RGL1: variants seen among roughly 807,000 people sequenced by gnomAD.
The protein encoded by RGL1 is ral guanine nucleotide dissociation stimulator like 1, also known as ral guanine nucleotide dissociation stimulator-like 1.
Under a neutral mutation model 95.2 loss-of-function variants are expected in RGL1, and 24 were observed. The ratio of observed to expected loss-of-function variants is 0.25; its 90% CI spans 0.18 to 0.35. The LOEUF (loss-of-function observed/expected upper bound fraction) is 0.35, where lower values mean the gene tolerates loss of function less well. Among genes scored for constraint, RGL1 ranks in the 10% least tolerant of loss-of-function variants. The probability of loss-of-function intolerance (pLI) is 1.00; values close to 1 mark genes in which losing one functional copy is unlikely to be tolerated. For synonymous variants in RGL1, 329 were observed against 344.9 expected (o/e 0.95, Z 0.51); for missense variants, 715 against 936.3 (o/e 0.76, Z 3.08).
intron 1 of RGL1, among the ~76,000 whole-genome samples, chr1:183,685,845 G>C (rs1008367249): frequency 6.6e-6 from 1 of 152,138 alleles, no homozygotes; most frequent in African/African-American, 2.4e-5. Flanking sequence ...AATCCAACTG[G>C]AAAAAATAAT....
At chr1:183,819,829 G>A (rs1039002374) in intron 2 of RGL1, among the ~76,000 whole-genome samples, 1 of 149,954 alleles carries the variant, frequency 6.7e-6, no homozygotes, top group African/African-American at 2.5e-5. Context: ...CTGTCGCCCA[G>A]TCTGGAGTAC....
intron 3 of RGL1, among the ~76,000 whole-genome samples, chr1:183,855,930 C>T (rs1016215524): frequency 3.3e-5 from 5 of 152,024 alleles, no homozygotes; most frequent in Non-Finnish European, 7.4e-5. Flanking sequence ...TAGTAACCTC[C>T]TACAGGGCCA....
At chr1:183,734,469 T>A (rs1018259944) in intron 1 of RGL1, among the ~76,000 whole-genome samples, 1 of 152,192 alleles carries the variant, frequency 6.6e-6, no homozygotes, top group African/African-American at 2.4e-5. Context: ...TAGTAAATAT[T>A]GAATGCACTG....
At chr1:183,742,772 G>T (rs938461344) in intron 2 of RGL1, among the ~76,000 whole-genome samples, 1 of 151,852 alleles carries the variant, frequency 6.6e-6, no homozygotes, top group African/African-American at 2.4e-5. Flanking sequence ...AGAGAGAGAT[G>T]CTATTATTCT....
intron 2 of RGL1, among the ~76,000 whole-genome samples, chr1:183,778,618 C>G (rs1400473500): frequency 6.6e-6 from 1 of 151,834 alleles, no homozygotes; most frequent in Non-Finnish European, 1.5e-5. Flanking sequence ...TGGGAGGGTT[C>G]TTTAAAGAAG....
chr1:183,657,198 G>A (rs193116952), intron 1 of RGL1, among the ~76,000 whole-genome samples: 3 of 152,256 alleles, frequency 2.0e-5, no homozygotes, highest in Admixed American at 1.3e-4. Flanking sequence ...CCATGAATAT[G>A]AGACATCTTG....
chr1:183,636,979 C>T (rs1649583109), intron 1 of RGL1, among the ~76,000 whole-genome samples: 2 of 152,190 alleles, frequency 1.3e-5, no homozygotes, highest in South Asian at 4.1e-4. Context: ...TTGTGTACCA[C>T]AATCTTTGGT....
At chr1:183,863,314 C>T (rs1665627140) in intron 3 of RGL1, among the ~76,000 whole-genome samples, 2 of 151,984 alleles carry the variant, frequency 1.3e-5, no homozygotes, top group African/African-American at 4.8e-5. Context: ...TCTTCTTCTT[C>T]TTCTTCCTTT....
intron 3 of RGL1, among the ~76,000 whole-genome samples, chr1:183,853,117 C>G (rs753159547): frequency 1.3e-5 from 2 of 152,128 alleles, no homozygotes; most frequent in Non-Finnish European, 2.9e-5. Context: ...GGGCGGTTCA[C>G]TTGAGGCCAG....
intron 1 of RGL1, among the ~76,000 whole-genome samples, chr1:183,674,151 G>C (rs552449804): frequency 6.6e-6 from 1 of 152,138 alleles, no homozygotes; most frequent in Non-Finnish European, 1.5e-5. Context: ...TAACACCATG[G>C]GAGTGAGTCC....
chr1:183,755,227 A>T (rs966670938), intron 2 of RGL1, among the ~76,000 whole-genome samples: 2 of 151,958 alleles, frequency 1.3e-5, no homozygotes, highest in Non-Finnish European at 2.9e-5. Context: ...TATTTAGTTA[A>T]TTTTTTGGCC....
At chr1:183,742,227 A>C (rs773443536) in exon 2 of RGL1, 4 of 1,614,182 alleles carry the variant, frequency 2.5e-6, no homozygotes, top group Non-Finnish European at 3.4e-6. Flanking sequence ...CAAGGTAGAA[A>C]GCACGGGACA....
At chr1:183,741,990 A>G (rs1007102692) in intron 1 of RGL1, 1 of 602,230 alleles carries the variant, frequency 1.7e-6, no homozygotes, top group Non-Finnish European at 2.8e-6. Context: ...AAAAGTGGCC[A>G]TAAAAGTTGA....
At chr1:183,718,730 C>G (rs777480940) in intron 1 of RGL1, among the ~76,000 whole-genome samples, 3 of 151,820 alleles carry the variant, frequency 2.0e-5, no homozygotes, top group Non-Finnish European at 2.9e-5. Context: ...GCCTGACCAA[C>G]ATGGTGAAAC....
intron 1 of RGL1, among the ~76,000 whole-genome samples, chr1:183,696,155 TC>T (rs1329790867): frequency 6.6e-6 from 1 of 152,190 alleles, no homozygotes; most frequent in East Asian, 1.9e-4. Flanking sequence ...CCATAAATTC[TC>T]AGTTCTCACT....
chr1:183,862,625 C>T (rs182278790), intron 3 of RGL1, among the ~76,000 whole-genome samples: 5 of 152,274 alleles, frequency 3.3e-5, no homozygotes, highest in African/African-American at 9.6e-5. Flanking sequence ...TGCTCCTAAG[C>T]CCTTAGAAGT....
In RGL1 at chr1:183,834,344, C is replaced by T. The variant is rs141898896; in HGVS notation, c.139-13222C>T. 1.1e-4 allele frequency among the ~76,000 whole-genome samples: 16 copies of T among 152,268 alleles called. No homozygotes were observed. The East Asian group carries it at 2.9e-3, about 28-fold the overall frequency. On this transcript the variant is annotated intron_variant, in intron 2 of 17. Coordinates refer to ENST00000360851, the MANE Select transcript of RGL1 (RefSeq NM_001297671.3). ...AGCAAGTAGCTGATAATTAATTGAA[C>T]TGGAACTAGAAACAGAGTCTAGTTC...
At chr1:183,650,967 A>G (rs1650707828) in intron 1 of RGL1, among the ~76,000 whole-genome samples, 1 of 151,846 alleles carries the variant, frequency 6.6e-6, no homozygotes, top group Non-Finnish European at 1.5e-5. Context: ...TTTTTTACCT[A>G]TTTTTTGCGT....
At chr1:183,880,827 A>G in intron 5 of RGL1, 27 bp downstream of exon 5, 2 of 1,606,440 alleles carry the variant, frequency 1.2e-6, no homozygotes, top group Non-Finnish European at 1.7e-6. Context: ...TCCCAGGGAA[A>G]AGGCTAGATT....
Sources: gnomAD v4.1 joint callset for allele counts (sites outside exome capture counted in the v4.1 genomes callset) on GRCh38, gnomAD v4.1.1 for gene constraint, MANE v1.5 for transcripts, NCBI Gene and HGNC (gene_info 2026-07-23, HGNC 2026-07-21) for gene names.